The following ZNF738 variants were observed in gnomAD, a reference collection of about 807,000 sequenced individuals.
ZNF738 encodes protein ZNF738.
ZNF738 carries 10 observed loss-of-function variants against 9.2 expected under a neutral mutation model. That is an observed-to-expected ratio of 1.09 (90% confidence interval 0.67 to 1.85). The LOEUF is 1.85. Ranked by LOEUF, ZNF738 falls within the 40% of genes most tolerant of loss-of-function variation. The pLI is 0.00. For synonymous variants in ZNF738, 113 were observed against 94.5 expected (o/e 1.20, Z -1.14); for missense variants, 346 against 283.6 (o/e 1.22, Z -1.58).
At chr19:21,382,066 C>CTTTCTT (rs1974012782) in intron 4 of ZNF738, 1 of 114,602 alleles carries the variant, frequency 8.7e-6, no homozygotes, top group African/African-American at 3.4e-5. Flanking sequence ...TTCTTTCTTT[C>CTTTCTT]TTTTTTTTTT....
Position 21,377,331 on chromosome 19 carries a change from T to G in ZNF738, c.319+1367T>G, listed in dbSNP as rs1012192413. ...AAAAAAAAAAAAAATTGTATTATAC[T>G]GCCTTCAGTTCCTCTCTTCACTTAC... On this transcript the variant is annotated intron_variant, in intron 4 of 4. Transcript: ENST00000683779. 9.8e-6 allele frequency: 6 copies of G among 612,334 alleles called. No homozygotes were observed. In the African/African-American group the frequency reaches 1.1e-4, roughly 12 times the overall value. The allele number at this position is 612,334 out of a possible 1,614,324, so 37.9% of individuals were successfully genotyped here.
intron 2 of ZNF738, among the ~76,000 whole-genome samples, chr19:21,373,066 T>C (rs530316432): frequency 6.6e-6 from 1 of 152,302 alleles, no homozygotes; most frequent in African/African-American, 2.4e-5. Context: ...AACATCAGCA[T>C]TGACACGGGA....
intron 2 of ZNF738, among the ~76,000 whole-genome samples, chr19:21,371,058 G>T (rs1973849870): frequency 6.6e-6 from 1 of 152,186 alleles, no homozygotes; most frequent in African/African-American, 2.4e-5. Flanking sequence ...GAATCTGTAA[G>T]TGTAAACAAG....
At chr19:21,379,943 T>C (rs1455082621) in intron 4 of ZNF738, among the ~76,000 whole-genome samples, 1 of 152,186 alleles carries the variant, frequency 6.6e-6, no homozygotes, top group African/African-American at 2.4e-5. Flanking sequence ...AGCATATGTG[T>C]CATCTCATAG....
At chr19:21,370,388 G>A (rs2127407) in intron 2 of ZNF738, among the ~76,000 whole-genome samples, 85,953 of 151,944 alleles carry the variant, frequency 0.57, 24,591 homozygotes, top group Middle Eastern at 0.69. Flanking sequence ...TCAGAATAAT[G>A]CTATTTTTAT....
intron 2 of ZNF738, among the ~76,000 whole-genome samples, chr19:21,374,060 G>A (rs1383737875): frequency 6.6e-6 from 1 of 152,104 alleles, no homozygotes; most frequent in East Asian, 1.9e-4. Context: ...TATTAAAAGT[G>A]TTTCCCTTGT....
At chr19:21,367,115 CT>C (rs1373397992) in intron 2 of ZNF738, among the ~76,000 whole-genome samples, 1 of 152,172 alleles carries the variant, frequency 6.6e-6, no homozygotes, top group Non-Finnish European at 1.5e-5. Context: ...AAGGGTATTT[CT>C]TTCTATAAAC....
intron 1 of ZNF738, 149 bp from the exon 2 acceptor site, chr19:21,361,617 T>C (rs1973693652): frequency 1.6e-6 from 1 of 636,436 alleles, no homozygotes; most frequent in Non-Finnish European, 2.8e-6. Flanking sequence ...CTTTGGAAAA[T>C]TTATGGGGTG....
intron 2 of ZNF738, among the ~76,000 whole-genome samples, chr19:21,362,315 T>C (rs951041913): frequency 3.3e-5 from 5 of 151,768 alleles, no homozygotes; most frequent in Admixed American, 2.0e-4. Context: ...CAGTGAAAAA[T>C]ATGTGACCAA....
Position 21,359,084 on chromosome 19 carries a change from A to C in ZNF738, c.-57A>C. 1 of 971,428 alleles carries C rather than the reference A, an allele frequency of 1.0e-6. No individual in the cohort carries two copies. The highest frequency in any genetic ancestry group is 1.7e-6 in the Non-Finnish European group (1 of 597,184). The allele number at this position is 971,428 out of a possible 1,614,324, so 60.2% of individuals were successfully genotyped here. On this transcript the variant is annotated 5_prime_UTR_variant, in exon 1 of 5. Coordinates refer to ENST00000683779, the MANE Select transcript of ZNF738 (RefSeq NM_001355237.2). ...TAGAGGCCCAGCCTCTGGTCCTGTG[A>C]CCTGCAGGTATTGGGAATCCACAGC...
At chr19:21,369,212 AATC>A (rs1424815392) in intron 2 of ZNF738, among the ~76,000 whole-genome samples, 3 of 152,246 alleles carry the variant, frequency 2.0e-5, no homozygotes, top group South Asian at 2.1e-4. Flanking sequence ...AGGTTTAAGG[AATC>A]CTCCTACCTC....
intron 4 of ZNF738, chr19:21,381,332 G>A (rs1568371227): frequency 6.5e-7 from 1 of 1,546,182 alleles, no homozygotes; most frequent in Middle Eastern, 2.3e-4. Flanking sequence ...TCCTAAAACT[G>A]TTAGCTTTGC....
At chr19:21,371,943 T>G (rs1450707759) in intron 2 of ZNF738, 1 of 152,282 alleles carries the variant, frequency 6.6e-6, no homozygotes, top group Non-Finnish European at 1.5e-5. Flanking sequence ...TTTAACTTTT[T>G]TTTTCTTTTT....
intron 2 of ZNF738, among the ~76,000 whole-genome samples, chr19:21,369,166 A>G (rs1973825241): frequency 6.6e-6 from 1 of 152,242 alleles, no homozygotes; most frequent in South Asian, 2.1e-4. Flanking sequence ...CAGTGGTGTG[A>G]TCTTGGCTCA....
At chr19:21,371,191 A>T (rs1973851941) in intron 2 of ZNF738, among the ~76,000 whole-genome samples, 1 of 152,136 alleles carries the variant, frequency 6.6e-6, no homozygotes, top group South Asian at 2.1e-4. Flanking sequence ...AAAAATCAGG[A>T]TAGGTGACCC....
intron 2 of ZNF738, among the ~76,000 whole-genome samples, chr19:21,374,451 G>C (rs943429417): frequency 1.3e-5 from 2 of 152,202 alleles, no homozygotes; most frequent in African/African-American, 4.8e-5. Flanking sequence ...GTGTGCGTCA[G>C]CACATCACAA....
chr19:21,378,483 T>C (rs1973962618), intron 4 of ZNF738: 1 of 211,760 alleles, frequency 4.7e-6, no homozygotes, highest in Admixed American at 6.2e-5. Context: ...GTGATGGTAT[T>C]ATACTCACTT....
chr19:21,383,512 C>A lies in ZNF738; in HGVS notation c.966C>A (p.Gly322=). ...GEKPYKCEGC[G]KAFCQFSYLT... is the part of the protein sequence containing the mutation. ...AACCCTACAAATGTGAAGGATGTGG[C>A]AAAGCTTTCTGCCAATTCTCATACC... is the stretch of plus-strand genomic sequence containing the variant. Residue 322 remains glycine (G), a synonymous_variant, in exon 5 of 5, where the codon GGC becomes GGA. Transcript: ENST00000683779. 1 of 896,658 alleles carries A rather than the reference C, an allele frequency of 1.1e-6. No individual in the cohort carries two copies. 55.5% of individuals were successfully genotyped at this position (896,658 alleles called of 1,614,324 possible).
At chr19:21,366,362 G>T (rs991012581) in intron 2 of ZNF738, among the ~76,000 whole-genome samples, 1 of 152,116 alleles carries the variant, frequency 6.6e-6, no homozygotes. Context: ...AACCCACGCT[G>T]TCTTAGGAGA....
Sources: allele counts gnomAD v4.1 joint callset (sites outside exome capture counted in the v4.1 genomes callset), GRCh38; gene constraint gnomAD v4.1.1; transcripts MANE v1.5; gene names NCBI Gene and HGNC (gene_info 2026-07-23, HGNC 2026-07-21).